EXOC6B: variants seen among roughly 807,000 people sequenced by gnomAD.
EXOC6B encodes exocyst complex component 6B.
In EXOC6B, 54 loss-of-function variants were observed where a neutral mutation model predicts 113.5. That is an observed-to-expected ratio of 0.48 (90% CI 0.38 to 0.60). The LOEUF (loss-of-function observed/expected upper bound fraction) is 0.60. EXOC6B is among the 20% of genes least tolerant of loss of function. EXOC6B has a pLI of 0.00. For missense variants in EXOC6B, 797 were observed against 977.5 expected (o/e 0.82, Z 2.46); for synonymous variants, 357 against 339.0 (o/e 1.05, Z -0.58).
At chr2:72,600,100 A>G (rs1323084520) in intron 6 of EXOC6B, among the ~76,000 whole-genome samples, 1 of 152,154 alleles carries the variant, frequency 6.6e-6, no homozygotes, top group African/African-American at 2.4e-5. Flanking sequence ...ATACTAACGA[A>G]GAGGAAGAAG....
intron 20 of EXOC6B, among the ~76,000 whole-genome samples, chr2:72,269,945 A>C (rs913713976): frequency 3.3e-5 from 5 of 152,072 alleles, no homozygotes; most frequent in African/African-American, 9.7e-5. Flanking sequence ...ATATATGAAG[A>C]ATATGGCACA....
In EXOC6B at chr2:72,383,813, G is replaced by A. The variant is rs138787722; in HGVS notation, c.1981-3943C>T. On this transcript the variant is annotated intron_variant, in intron 18 of 21. Coordinates refer to ENST00000272427, the MANE Select transcript of EXOC6B (RefSeq NM_015189.3). ...CCTATACACCATGGAATACTACACA[G>A]CCATAAAGAAAGAATGAGATCATGT... Among the ~76,000 whole-genome samples, 666 of 152,164 alleles carry A rather than the reference G, an allele frequency of 4.4e-3. 5 individuals carry two copies. The highest frequency in any genetic ancestry group is 0.014 in the African/African-American group (602 of 41,540).
chr2:72,801,785 T>G (rs1230753223), intron 1 of EXOC6B, among the ~76,000 whole-genome samples: 1 of 152,182 alleles, frequency 6.6e-6, no homozygotes, highest in Non-Finnish European at 1.5e-5. Flanking sequence ...TCATTGACTG[T>G]CTTAAAGAAA....
At chr2:72,823,463 AAAAAAAAAAAAAAAACAAAAAAC>A (rs951935081) in intron 1 of EXOC6B, among the ~76,000 whole-genome samples, 5 of 129,704 alleles carry the variant, frequency 3.9e-5, no homozygotes, top group African/African-American at 1.7e-4. Context: ...TTTTAAGAAA[AAAAAAAAAAAAAAAACAAAAAAC>A]AAAAAAAAAG....
chr2:72,278,829 AC>A (rs1553364052), intron 20 of EXOC6B, among the ~76,000 whole-genome samples: 1 of 152,210 alleles, frequency 6.6e-6, no homozygotes. Context: ...AAGGAGACAT[AC>A]AAAAGAAATG....
intron 6 of EXOC6B, among the ~76,000 whole-genome samples, chr2:72,692,560 C>T (rs935463608): frequency 1.3e-4 from 20 of 152,062 alleles, no homozygotes; most frequent in Non-Finnish European, 1.5e-4. Context: ...ACCATGTTAG[C>T]CAGGATGGTC....
chr2:72,358,429 G>A (rs1690101236), intron 19 of EXOC6B, among the ~76,000 whole-genome samples: 2 of 152,128 alleles, frequency 1.3e-5, no homozygotes, highest in Admixed American at 1.3e-4. Flanking sequence ...AATTGAAGTT[G>A]TAATACAATG....
intron 1 of EXOC6B, among the ~76,000 whole-genome samples, chr2:72,750,453 T>C (rs1211213294): frequency 2.0e-5 from 3 of 152,054 alleles, no homozygotes; most frequent in African/African-American, 7.2e-5. Flanking sequence ...TTTATAGCCA[T>C]ACAGAGAAAA....
chr2:72,683,282 A>C (rs1222609024), intron 6 of EXOC6B, among the ~76,000 whole-genome samples: 1 of 152,214 alleles, frequency 6.6e-6, no homozygotes, highest in Admixed American at 6.5e-5. Context: ...TACACATAGC[A>C]GATGCTCAAA....
At chr2:72,196,717 G>A (rs985886023) in intron 20 of EXOC6B, among the ~76,000 whole-genome samples, 1 of 152,098 alleles carries the variant, frequency 6.6e-6, no homozygotes, top group East Asian at 1.9e-4. Flanking sequence ...CCAGGAAGAC[G>A]ATAGTTTCAG....
At chr2:72,404,093 C>G (rs893305885) in intron 18 of EXOC6B, among the ~76,000 whole-genome samples, 1 of 152,186 alleles carries the variant, frequency 6.6e-6, no homozygotes, top group Non-Finnish European at 1.5e-5. Flanking sequence ...GTCCTATGCC[C>G]CTGGAGCCTT....
chr2:72,401,620 TACATATATATATATATAC>T (rs1693292596), intron 18 of EXOC6B, among the ~76,000 whole-genome samples: 1 of 35,586 alleles, frequency 2.8e-5, no homozygotes, highest in Admixed American at 4.0e-4. Context: ...TATATATATA[TACATATATATATATATAC>T]ATATATACAT....
chr2:72,822,389 G>A (rs1157926749), intron 1 of EXOC6B, among the ~76,000 whole-genome samples: 1 of 152,150 alleles, frequency 6.6e-6, no homozygotes, highest in Non-Finnish European at 1.5e-5. Flanking sequence ...GTGTGGATAT[G>A]CTTGGGCCTT....
chr2:72,382,164 A>G (rs1432991381), intron 18 of EXOC6B, among the ~76,000 whole-genome samples: 2 of 152,294 alleles, frequency 1.3e-5, no homozygotes, highest in Admixed American at 6.5e-5. Flanking sequence ...CTTGGTTTTA[A>G]TTAAACCCAC....
chr2:72,705,807 CTA>C (rs1678824523), intron 6 of EXOC6B, among the ~76,000 whole-genome samples: 2 of 152,138 alleles, frequency 1.3e-5, no homozygotes, highest in South Asian at 4.1e-4. Context: ...TTTAACTTTT[CTA>C]TGTTTTGGGT....
At chr2:72,416,713 G>T (rs1242397192) in intron 18 of EXOC6B, among the ~76,000 whole-genome samples, 1 of 152,052 alleles carries the variant, frequency 6.6e-6, no homozygotes, top group Non-Finnish European at 1.5e-5. Flanking sequence ...TCTTCCTTGG[G>T]TCTATAAATA....
chr2:72,645,233 GAACT>G (rs1195188704), intron 6 of EXOC6B, among the ~76,000 whole-genome samples: 4 of 152,122 alleles, frequency 2.6e-5, no homozygotes, highest in Non-Finnish European at 4.4e-5. Flanking sequence ...TCAACAAGAA[GAACT>G]AACCATGCTA....
intron 1 of EXOC6B, among the ~76,000 whole-genome samples, chr2:72,764,964 T>TA (rs1313515590): frequency 1.3e-5 from 2 of 152,050 alleles, no homozygotes; most frequent in Admixed American, 6.6e-5. Flanking sequence ...TCTAAACTGA[T>TA]ACTCCCAGCC....
In EXOC6B at chr2:72,653,608, A is replaced by C. The variant is rs867625712; in HGVS notation, c.669+64495T>G. ...AAAATATTGCCAGCAACCCCCCCCC[A>C]AAAAGAAAGAAAGAAAGAAAATACT... is the stretch of plus-strand genomic sequence containing the variant. On this transcript the variant is annotated intron_variant, in intron 6 of 21. Transcript: ENST00000272427. Among the ~76,000 whole-genome samples the C allele has an allele frequency of 7.1e-3, 918 of 129,222 alleles. 16 individuals are homozygous for C. The highest frequency in any genetic ancestry group is 0.034 in the African/African-American group (886 of 26,412). The allele number at this position is 129,222 out of a possible 152,430, so 84.8% of individuals were successfully genotyped here.
Sources: allele counts gnomAD v4.1 joint callset (sites outside exome capture counted in the v4.1 genomes callset), GRCh38; gene constraint gnomAD v4.1.1; transcripts MANE v1.5; gene names NCBI Gene and HGNC (gene_info 2026-07-23, HGNC 2026-07-21).